The following RHEX variants were observed in gnomAD, a reference collection of about 807,000 sequenced individuals.
The protein encoded by RHEX is regulator of hemoglobinization and erythroid cell expansion protein.
A neutral mutation model predicts 20.1 loss-of-function variants in RHEX; 18 were observed. That is an observed-to-expected ratio of 0.90 (90% CI 0.62 to 1.33). The LOEUF is 1.33. Among genes scored for constraint, RHEX ranks in the 40% most tolerant of loss-of-function variants. The pLI is 0.00. For missense variants in RHEX, 192 were observed against 214.3 expected (o/e 0.90, Z 0.65); for synonymous variants, 87 against 77.1 (o/e 1.13, Z -0.67).
chr1:206,075,544 G>C (rs940431156), intron 1 of RHEX, among the ~76,000 whole-genome samples: 1 of 151,838 alleles, frequency 6.6e-6, no homozygotes, highest in African/African-American at 2.4e-5. Context: ...TTATAAAGCA[G>C]CAGATAAATT....
chr1:206,097,005 G>A (rs1402095050), intron 1 of RHEX, among the ~76,000 whole-genome samples: 1 of 152,030 alleles, frequency 6.6e-6, no homozygotes, highest in Non-Finnish European at 1.5e-5. Context: ...GAACTCCTAG[G>A]CTCAAGTGAT....
intron 1 of RHEX, among the ~76,000 whole-genome samples, chr1:206,078,965 T>C (rs1224526723): frequency 6.6e-6 from 1 of 152,212 alleles, no homozygotes; most frequent in Non-Finnish European, 1.5e-5. Context: ...AAATGGCTTT[T>C]GAAGTAATAA....
intron 1 of RHEX, among the ~76,000 whole-genome samples, chr1:206,082,078 T>A (rs1662749350): frequency 6.6e-6 from 1 of 152,158 alleles, no homozygotes; most frequent in Non-Finnish European, 1.5e-5. Flanking sequence ...AGAGGCTTCA[T>A]GTTTTTAACA....
chr1:206,081,386 C>G (rs1662732355), intron 1 of RHEX, among the ~76,000 whole-genome samples: 1 of 152,128 alleles, frequency 6.6e-6, no homozygotes, highest in South Asian at 2.1e-4. Context: ...TACACAAAAC[C>G]ATGAGATTTT....
chr1:206,069,709 A>G (rs1179601877), intron 1 of RHEX, among the ~76,000 whole-genome samples: 1 of 152,196 alleles, frequency 6.6e-6, no homozygotes, highest in Non-Finnish European at 1.5e-5. Context: ...AAACATCTAT[A>G]AACATCTACT....
Position 206,085,241 on chromosome 1 carries a change from T to C in RHEX, c.-96-12492T>C, listed in dbSNP as rs139612279. 3.4e-4 allele frequency among the ~76,000 whole-genome samples: 52 copies of C among 152,290 alleles called. No homozygotes were observed. In the East Asian group the frequency reaches 8.7e-3, roughly 25 times the overall value. ...GCAATGTGTACAGAGTGTTACACAT[T>C]GAAATGCTTTTTCCATCCCTATCCC... On this transcript the variant is annotated intron_variant, in intron 1 of 5. Coordinates refer to ENST00000331555, the MANE Select transcript of RHEX (RefSeq NM_001007544.4).
chr1:206,096,012 T>A (rs1663059459), intron 1 of RHEX, among the ~76,000 whole-genome samples: 1 of 152,058 alleles, frequency 6.6e-6, no homozygotes, highest in Non-Finnish European at 1.5e-5. Context: ...TGTATGTTTT[T>A]AGAGATGGGG....
chr1:206,081,711 G>T (rs781861450), intron 1 of RHEX, among the ~76,000 whole-genome samples: 22 of 152,206 alleles, frequency 1.4e-4, no homozygotes, highest in Non-Finnish European at 2.1e-4. Context: ...TGTGTTCAAA[G>T]ATCTTTAACA....
chr1:206,101,655 TG>T, intron 5 of RHEX, 96 bp from the exon 6 acceptor site: 1 of 927,036 alleles, frequency 1.1e-6, no homozygotes, highest in Non-Finnish European at 1.7e-6. Flanking sequence ...CACCAAGCCA[TG>T]GGCGAATCTT....
chr1:206,091,452 A>G (rs1233453565), intron 1 of RHEX, among the ~76,000 whole-genome samples: 1 of 152,224 alleles, frequency 6.6e-6, no homozygotes, highest in Non-Finnish European at 1.5e-5. Flanking sequence ...ATTCTTTATT[A>G]TAGTAAGAAA....
At chr1:206,097,523 C>A in intron 1 of RHEX, 1 of 466,772 alleles carries the variant, frequency 2.1e-6, no homozygotes, top group South Asian at 2.5e-5. Context: ...AAACAGAAAT[C>A]TCTGGGAGTG....
intron 1 of RHEX, among the ~76,000 whole-genome samples, chr1:206,054,298 T>C (rs1662140879): frequency 1.3e-5 from 2 of 152,130 alleles, no homozygotes; most frequent in South Asian, 4.2e-4. Context: ...AGAAAAAATG[T>C]TATAAAAAAA....
At chr1:206,088,835 T>G (rs1432212402) in intron 1 of RHEX, among the ~76,000 whole-genome samples, 1 of 152,218 alleles carries the variant, frequency 6.6e-6, no homozygotes, top group African/African-American at 2.4e-5. Context: ...TCACTTTTTT[T>G]TTTGAGACAG....
At chr1:206,064,206 G>A (rs1290144915) in intron 1 of RHEX, among the ~76,000 whole-genome samples, 2 of 143,658 alleles carry the variant, frequency 1.4e-5, no homozygotes, top group Admixed American at 6.8e-5. Flanking sequence ...CAGCCGCCCC[G>A]TCTGGGAAGT....
intron 1 of RHEX, among the ~76,000 whole-genome samples, chr1:206,082,310 G>A (rs1256541532): frequency 6.6e-6 from 1 of 152,120 alleles, no homozygotes; most frequent in Non-Finnish European, 1.5e-5. Flanking sequence ...GATGTCAGGA[G>A]TTTGAGACCA....
At chr1:206,089,359 C>A (rs925204205) in intron 1 of RHEX, among the ~76,000 whole-genome samples, 1 of 151,938 alleles carries the variant, frequency 6.6e-6, no homozygotes, top group East Asian at 1.9e-4. Context: ...TCACTTTTTA[C>A]AAAATTGTGA....
At chr1:206,069,042 T>A (rs999903333) in intron 1 of RHEX, among the ~76,000 whole-genome samples, 1 of 152,198 alleles carries the variant, frequency 6.6e-6, no homozygotes, top group Non-Finnish European at 1.5e-5. Flanking sequence ...CAAGATGCCC[T>A]TTCTGGTTGC....
At chr1:206,088,827 A>AC (rs1662891007) in intron 1 of RHEX, among the ~76,000 whole-genome samples, 1 of 151,720 alleles carries the variant, frequency 6.6e-6, no homozygotes, top group Non-Finnish European at 1.5e-5. Context: ...TTTTATGTTC[A>AC]CTTTTTTTTT....
intron 1 of RHEX, among the ~76,000 whole-genome samples, chr1:206,082,425 G>A (rs1553286028): frequency 6.6e-6 from 1 of 151,910 alleles, no homozygotes; most frequent in Non-Finnish European, 1.5e-5. Flanking sequence ...GGCTGAGGCA[G>A]GAGAATCGCT....
Sources: gnomAD v4.1 joint callset for allele counts (sites outside exome capture counted in the v4.1 genomes callset) on GRCh38, gnomAD v4.1.1 for gene constraint, MANE v1.5 for transcripts, NCBI Gene and HGNC (gene_info 2026-07-23, HGNC 2026-07-21) for gene names.